FBXL4: variants seen among roughly 807,000 people sequenced by gnomAD.
FBXL4 encodes F-box and leucine rich repeat protein 4, also known as F-box/LRR-repeat protein 4.
A neutral mutation model predicts 58.9 loss-of-function variants in FBXL4; 40 were observed. The ratio of observed to expected loss-of-function variants is 0.68; its 90% CI spans 0.53 to 0.88. The LOEUF is 0.88. FBXL4 is among the 40% of genes least tolerant of loss of function. The probability of loss-of-function intolerance (pLI) is 0.00; values close to 1 mark genes in which losing one functional copy is unlikely to be tolerated. For missense variants in FBXL4, 676 were observed against 734.4 expected, an observed-to-expected ratio of 0.92 and a Z score of 0.92; for synonymous variants, 263 against 265.5, an observed-to-expected ratio of 0.99 and a Z score of 0.09.
intron 4 of FBXL4, among the ~76,000 whole-genome samples, chr6:98,922,798 G>A (rs1772632499): frequency 6.6e-6 from 1 of 152,088 alleles, no homozygotes; most frequent in South Asian, 2.1e-4. Flanking sequence ...TGAAATAATG[G>A]TGATGACAGG....
At chr6:98,932,703 C>T (rs1305991673) in intron 2 of FBXL4, among the ~76,000 whole-genome samples, 4 of 151,768 alleles carry the variant, frequency 2.6e-5, no homozygotes, top group African/African-American at 7.3e-5. Context: ...GCCAGGACAG[C>T]GTAAAGGCTA....
intron 1 of FBXL4, among the ~76,000 whole-genome samples, chr6:98,943,918 A>T (rs796987732): frequency 2.0e-5 from 3 of 152,350 alleles, no homozygotes; most frequent in African/African-American, 7.2e-5. Context: ...GCTGAATTCA[A>T]CCAAAATCAT....
At chr6:98,922,995 G>A (rs1302139770) in intron 4 of FBXL4, among the ~76,000 whole-genome samples, 1 of 152,090 alleles carries the variant, frequency 6.6e-6, no homozygotes, top group East Asian at 1.9e-4. Context: ...GTGCCACCCT[G>A]CAGATGGGCT....
Position 98,909,290 on chromosome 6 carries a change from C to T in FBXL4, c.859-3620G>A, listed in dbSNP as rs1041148859. Among the ~76,000 whole-genome samples, 9 of 152,270 alleles carry T rather than the reference C, an allele frequency of 5.9e-5. No homozygotes were observed. The South Asian group carries it at 1.5e-3, about 25-fold the overall frequency. On this transcript the variant is annotated intron_variant, in intron 5 of 9. Transcript: ENST00000369244. ...CTATGACGCAGCAGAATAGACTCCA[C>T]ACTGCCAAAGACAGGGAGTCCCAAT...
chr6:98,899,884 T>A (rs765136244), intron 6 of FBXL4, among the ~76,000 whole-genome samples: 1 of 152,028 alleles, frequency 6.6e-6, no homozygotes, highest in Non-Finnish European at 1.5e-5. Context: ...CATCAAGTAC[T>A]GGATAATATA....
intron 5 of FBXL4, among the ~76,000 whole-genome samples, chr6:98,915,808 A>G (rs1772319383): frequency 6.6e-6 from 1 of 151,870 alleles, no homozygotes; most frequent in South Asian, 2.1e-4. Flanking sequence ...ACAAAAGCCA[A>G]AATTGACAAA....
At chr6:98,920,501 A>G (rs1246226404) in intron 4 of FBXL4, among the ~76,000 whole-genome samples, 1 of 152,100 alleles carries the variant, frequency 6.6e-6, no homozygotes, top group African/African-American at 2.4e-5. Flanking sequence ...ATTAGTTTCT[A>G]TATTTTACTT....
At chr6:98,883,692 T>C (rs1048122570) in intron 7 of FBXL4, among the ~76,000 whole-genome samples, 3 of 151,916 alleles carry the variant, frequency 2.0e-5, no homozygotes, top group Non-Finnish European at 4.4e-5. Flanking sequence ...ATGCTTTCTG[T>C]CATATATAAG....
intron 5 of FBXL4, among the ~76,000 whole-genome samples, chr6:98,910,148 C>T (rs560081945): frequency 1.3e-5 from 2 of 152,188 alleles, no homozygotes; most frequent in African/African-American, 4.8e-5. Context: ...TTTTTAACCA[C>T]ACAGTAGTTT....
intron 6 of FBXL4, 80 bp from the exon 7 acceptor site, chr6:98,899,561 A>G: frequency 7.0e-7 from 1 of 1,430,302 alleles, no homozygotes; most frequent in Non-Finnish European, 9.4e-7. Flanking sequence ...AGCAACTCTA[A>G]GTAGATACAT....
At chr6:98,935,388 A>G (rs1773172512) in intron 1 of FBXL4, among the ~76,000 whole-genome samples, 1 of 151,900 alleles carries the variant, frequency 6.6e-6, no homozygotes, top group South Asian at 2.1e-4. Context: ...AAGAAAGGAT[A>G]TGTTTCTAAT....
chr6:98,914,735 A>G (rs1466945186), intron 5 of FBXL4, among the ~76,000 whole-genome samples: 1 of 152,234 alleles, frequency 6.6e-6, no homozygotes, highest in Non-Finnish European at 1.5e-5. Context: ...AAAAACTGGA[A>G]GCATTCCCTT....
At chr6:98,916,259 C>T (rs990614371) in intron 5 of FBXL4, among the ~76,000 whole-genome samples, 26 of 152,122 alleles carry the variant, frequency 1.7e-4, no homozygotes, top group African/African-American at 5.5e-4. Flanking sequence ...GTCAGTGTGG[C>T]GATTCCTCAG....
chr6:98,930,102 G>T (rs1028851990), intron 2 of FBXL4, among the ~76,000 whole-genome samples: 1 of 152,198 alleles, frequency 6.6e-6, no homozygotes, highest in Non-Finnish European at 1.5e-5. Flanking sequence ...CTTTACTAAT[G>T]ATGCATCACA....
intron 7 of FBXL4, among the ~76,000 whole-genome samples, chr6:98,884,957 T>C (rs1214049124): frequency 6.6e-6 from 1 of 152,144 alleles, no homozygotes; most frequent in Non-Finnish European, 1.5e-5. Context: ...TTTGAGAGAG[T>C]GGGCTTAACT....
chr6:98,915,596 C>T (rs1191112062), intron 5 of FBXL4, among the ~76,000 whole-genome samples: 1 of 151,680 alleles, frequency 6.6e-6, no homozygotes, highest in African/African-American at 2.4e-5. Flanking sequence ...ATAAATGGTG[C>T]TGGGAAAACT....
Position 98,880,555 on chromosome 6 carries a change from T to G in FBXL4, c.1387A>C (p.Met463Leu). Residue 463 changes from methionine (M) to leucine (L), a missense_variant and splice_region_variant, in exon 8 of 10, where the codon ATG becomes CTG. Transcript: ENST00000369244. Reference sequence around the variant, plus strand: ...ATAAAGAATTCTCAAACACTTACCATGACACAACTGCCTAAACTGAGGTGC... The same window carrying G: ...ATAAAGAATTCTCAAACACTTACCAGGACACAACTGCCTAAACTGAGGTGC... Reference protein sequence around the residue: ...LQHLSLGSCVMIEDYDVIASM... With the variant: ...LQHLSLGSCVLIEDYDVIASM... 6.2e-7 allele frequency: 1 copy of G among 1,613,558 alleles called. No homozygotes were observed. Among genetic ancestry groups the G allele is most frequent in the Non-Finnish European group, 8.5e-7 (1 of 1,179,570 alleles).
intron 7 of FBXL4, chr6:98,897,164 G>C: frequency 1.0e-6 from 1 of 984,130 alleles, no homozygotes; most frequent in Non-Finnish European, 1.2e-6. Context: ...AATTTTAAAT[G>C]AGGCATTTAA....
chr6:98,933,140 G>A (rs1284577625), intron 2 of FBXL4, among the ~76,000 whole-genome samples: 1 of 152,140 alleles, frequency 6.6e-6, no homozygotes, highest in Non-Finnish European at 1.5e-5. Flanking sequence ...GAAAAGAGGG[G>A]AATGATAATG....
Sources: allele counts gnomAD v4.1 joint callset (sites outside exome capture counted in the v4.1 genomes callset), GRCh38; gene constraint gnomAD v4.1.1; transcripts MANE v1.5; gene names NCBI Gene and HGNC (gene_info 2026-07-23, HGNC 2026-07-21).